Variants in SLC50A1 observed in about 807,000 individuals in gnomAD.
The protein encoded by SLC50A1 is solute carrier family 50 member 1.
A neutral mutation model predicts 28.9 loss-of-function variants in SLC50A1; 22 were observed. The ratio of observed to expected loss-of-function variants is 0.76; its 90% confidence interval spans 0.54 to 1.09. The LOEUF is 1.09. Ranked by LOEUF, SLC50A1 falls within the 50% of genes least tolerant of loss-of-function variation. The probability of loss-of-function intolerance (pLI) is 0.00; values close to 1 mark genes in which losing one functional copy is unlikely to be tolerated. For missense variants in SLC50A1, 233 were observed against 273.4 expected, an observed-to-expected ratio of 0.85 and a Z score of 1.04; for synonymous variants, 96 against 110.6, an observed-to-expected ratio of 0.87 and a Z score of 0.83.
rs1322152935 is a variant in SLC50A1, at chr1:155,137,959, T to G, written c.445-20T>G. 3 of 1,613,556 alleles carry G rather than the reference T, an allele frequency of 1.9e-6. No homozygotes were observed. ...TTACGATGTGCTTGGGCCAAGAGAGTCTTCCATTCTTTCCCACAGGCTAAG... is the reference window on the plus strand; with the variant it reads ...TTACGATGTGCTTGGGCCAAGAGAGGCTTCCATTCTTTCCCACAGGCTAAG... On this transcript the variant is annotated intron_variant, in intron 4 of 5. Coordinates refer to ENST00000368404, the MANE Select transcript of SLC50A1 (RefSeq NM_018845.4).
chr1:155,136,178 G>A (rs575965487), intron 1 of SLC50A1, 121 bp from the exon 2 acceptor site: 4 of 853,136 alleles, frequency 4.7e-6, no homozygotes, highest in South Asian at 3.1e-5. Context: ...GATAGCTGGC[G>A]GGGGGGAGAG....
At chr1:155,136,598 C>T (rs934205588) in intron 2 of SLC50A1, 9 of 702,422 alleles carry the variant, frequency 1.3e-5, no homozygotes, top group African/African-American at 5.4e-5. Context: ...AAAAAATTAG[C>T]CGGGCGTGGT....
chr1:155,136,187 A>AT, intron 1 of SLC50A1, 112 bp from the exon 2 acceptor site: 1 of 708,978 alleles, frequency 1.4e-6, no homozygotes, highest in South Asian at 1.6e-5. Flanking sequence ...CGGGGGGGAG[A>AT]GGGGGCGGGG....
At chr1:155,137,457 C>G (rs1664552144) in intron 3 of SLC50A1, 104 bp from the exon 4 acceptor site, 1 of 1,430,034 alleles carries the variant, frequency 7.0e-7, no homozygotes, top group African/African-American at 1.4e-5. Flanking sequence ...GAGGCCTAGA[C>G]AGCTTGGCTT....
intron 2 of SLC50A1, 193 bp from the exon 3 acceptor site, chr1:155,136,635 C>T (rs1219334991): frequency 1.2e-6 from 1 of 839,198 alleles, no homozygotes. Flanking sequence ...CCCAGCTACT[C>T]GGGAGGCTGA....
intron 1 of SLC50A1, 79 bp downstream of exon 1, chr1:155,136,070 G>A: frequency 6.5e-7 from 1 of 1,527,962 alleles, no homozygotes; most frequent in Non-Finnish European, 8.9e-7. Context: ...CGTGGCCACA[G>A]CACCTGGCTC....
intron 4 of SLC50A1, 33 bp downstream of exon 4, chr1:155,137,755 T>G (rs1177634184): frequency 6.2e-7 from 1 of 1,612,004 alleles, no homozygotes; most frequent in Non-Finnish European, 8.5e-7. Flanking sequence ...GTAGGAGAGA[T>G]AAGAGTCAGG....
chr1:155,136,540 C>G (rs961382679), intron 2 of SLC50A1, 164 bp downstream of exon 2: 6 of 736,574 alleles, frequency 8.1e-6, no homozygotes, highest in Admixed American at 2.3e-5. Flanking sequence ...TCAGGAGATC[C>G]AGACCATCCT....
chr1:155,137,622 T>A lies in SLC50A1; in HGVS notation c.344T>A (p.Phe115Tyr), dbSNP rs149277875. ...GTCCTTCTCCTGGGTTATGGCTACT[T>A]TTGGCTCCTGGTACCCAACCCTGAG... Reference protein sequence around the residue: ...LGVLLLGYGYFWLLVPNPEAR... With the variant: ...LGVLLLGYGYYWLLVPNPEAR... Residue 115 changes from phenylalanine (F) to tyrosine (Y), a missense_variant, in exon 4 of 6, where the codon TTT (phenylalanine) becomes TAT (tyrosine). Coordinates refer to ENST00000368404, the MANE Select transcript of SLC50A1 (RefSeq NM_018845.4). 4.3e-6 allele frequency: 7 copies of A among 1,614,040 alleles called. No homozygotes were observed. The African/African-American group carries it at 9.3e-5, about 22-fold the overall frequency.
At chr1:155,136,266 AC>A in intron 1 of SLC50A1, 32 bp from the exon 2 acceptor site, 1 of 1,203,946 alleles carries the variant, frequency 8.3e-7, no homozygotes, top group South Asian at 1.3e-5. Flanking sequence ...CTCCCTTCCC[AC>A]CCCCACCCCT....
At position 155,137,991 on chromosome 1, in the gene SLC50A1, C is replaced by A. The variant is rs751641357; in HGVS notation, c.457C>A (p.Gln153Lys). The change falls in exon 5 of 6, where the codon CAA (glutamine) becomes AAA (lysine). Residue 153 changes from glutamine to lysine, a missense_variant. By Grantham distance (53) the Gln-to-Lys change is moderately conservative. Coordinates refer to ENST00000368404, the MANE Select transcript of SLC50A1 (RefSeq NM_018845.4). ...TTCTTTCCCACAGGCTAAGGTGATT[C>A]AAACTAAATCAACCCAATGTCTCTC... ...SPLADLAKVI[Q>K]TKSTQCLSYP... The A allele has an allele frequency of 2.5e-6, 4 of 1,614,030 alleles. No individual in the cohort carries two copies. In the East Asian group the frequency reaches 6.7e-5, roughly 27 times the overall value.
At chr1:155,137,053 T>A in intron 3 of SLC50A1, 102 bp downstream of exon 3, 1 of 1,472,816 alleles carries the variant, frequency 6.8e-7, no homozygotes, top group Non-Finnish European at 9.3e-7. Context: ...CACTGCCACC[T>A]TTTCCAGGAA....
Position 155,136,299 on chromosome 1 carries a change from C to G in SLC50A1, c.81C>G (p.Leu27=), listed in dbSNP as rs751851099. 7 of 1,605,716 alleles carry G rather than the reference C, an allele frequency of 4.4e-6. No individual in the cohort carries two copies. The highest frequency in any genetic ancestry group is 6.0e-6 in the Non-Finnish European group (7 of 1,175,836). The part of the protein sequence containing the change: ...VFTLGMFSAG[L]SDLRHMRMTR... ...CCCTCCCTTCGGGGCCCCATTACAGCTCGGACCTCAGGCACATGCGAATGA... is the reference window on the plus strand; with the variant it reads ...CCCTCCCTTCGGGGCCCCATTACAGGTCGGACCTCAGGCACATGCGAATGA... Residue 27 remains leucine (L), a splice_region_variant and synonymous_variant, in exon 2 of 6, where the codon CTC becomes CTG. Transcript: ENST00000368404.
In SLC50A1 at chr1:155,138,438, A is replaced by G; in HGVS notation, c.*157A>G. 1.5e-6 allele frequency: 1 copy of G among 655,446 alleles called. No homozygotes were observed. The allele number at this position is 655,446 out of a possible 1,614,324, so 40.6% of individuals were successfully genotyped here. On this transcript the variant is annotated 3_prime_UTR_variant, in exon 6 of 6. Coordinates refer to ENST00000368404, the MANE Select transcript of SLC50A1 (RefSeq NM_018845.4). ...AAGGACCAAAGAAAAAGCTTTACTT[A>G]GATGATTGATTGGGGCCTAGGAGAT...
intron 1 of SLC50A1, 90 bp from the exon 2 acceptor site, chr1:155,136,209 C>T: frequency 1.9e-6 from 2 of 1,050,818 alleles, no homozygotes; most frequent in Non-Finnish European, 1.4e-6. Context: ...CTGCGGTGGT[C>T]CGGAAAGGAT....
chr1:155,135,694 T>A, upstream of SLC50A1: 9 of 1,549,962 alleles, frequency 5.8e-6, no homozygotes, highest in Non-Finnish European at 7.8e-6. Flanking sequence ...TGGACCAGGG[T>A]ACTGGGAAGG....
intron 2 of SLC50A1, 163 bp downstream of exon 2, chr1:155,136,539 C>A (rs909562522): frequency 1.4e-6 from 1 of 735,396 alleles, no homozygotes; most frequent in Non-Finnish European, 2.3e-6. Context: ...GTCAGGAGAT[C>A]CAGACCATCC....
chr1:155,136,819 A>T lies in SLC50A1; in HGVS notation c.159-9A>T. On this transcript the variant is annotated splice_polypyrimidine_tract_variant and intron_variant, in intron 2 of 5. Coordinates refer to ENST00000368404, the MANE Select transcript of SLC50A1 (RefSeq NM_018845.4). Reference sequence around the variant, plus strand: ...CCTTTGAGCCATGTCCATCCCCTCCACCCTGCAGCAACCTGGGCTGGCTGA... The same window carrying T: ...CCTTTGAGCCATGTCCATCCCCTCCTCCCTGCAGCAACCTGGGCTGGCTGA... 1 of 1,613,622 alleles carries T rather than the reference A, an allele frequency of 6.2e-7. No homozygotes were observed. Among genetic ancestry groups the T allele is most frequent in the Non-Finnish European group, 8.5e-7 (1 of 1,179,896 alleles).
At position 155,137,978 on chromosome 1, in the gene SLC50A1, G is replaced by A; in HGVS notation, c.445-1G>A. 6.2e-7 allele frequency: 1 copy of A among 1,614,144 alleles called. No individual in the cohort carries two copies. Among genetic ancestry groups the A allele is most frequent in the Admixed American group, 1.7e-5 (1 of 60,004 alleles). Reference sequence around the variant, plus strand: ...AGAGAGTCTTCCATTCTTTCCCACAGGCTAAGGTGATTCAAACTAAATCAA... The same window carrying A: ...AGAGAGTCTTCCATTCTTTCCCACAAGCTAAGGTGATTCAAACTAAATCAA... On this transcript the variant is annotated splice_acceptor_variant, in intron 4 of 5. Transcript: ENST00000368404. LOFTEE classifies it high-confidence loss of function.
Sources: allele counts gnomAD v4.1 joint callset, GRCh38; gene constraint gnomAD v4.1.1; transcripts MANE v1.5; gene names NCBI Gene and HGNC (gene_info 2026-07-23, HGNC 2026-07-21).